HHAT: variants seen among roughly 807,000 people sequenced by gnomAD.
The protein encoded by HHAT is protein-cysteine N-palmitoyltransferase HHAT.
Under a neutral mutation model 70.8 loss-of-function variants are expected in HHAT, and 47 were observed. The ratio of observed to expected loss-of-function variants is 0.66; its 90% CI spans 0.53 to 0.85. The LOEUF (loss-of-function observed/expected upper bound fraction) is 0.85, where lower values mean the gene tolerates loss of function less well. Among genes scored for constraint, HHAT ranks in the 40% least tolerant of loss-of-function variants. The probability of loss-of-function intolerance (pLI) is 0.00; values close to 1 mark genes in which losing one functional copy is unlikely to be tolerated. For synonymous variants in HHAT, 228 were observed against 247.6 expected (o/e 0.92, Z 0.74); for missense variants, 609 against 604.8 (o/e 1.01, Z -0.07).
At chr1:210,644,602 C>CAAAAAA (rs57190952) in intron 11 of HHAT, among the ~76,000 whole-genome samples, 16 of 63,996 alleles carry the variant, frequency 2.5e-4, no homozygotes, top group African/African-American at 3.0e-4. Context: ...GACTCCATCT[C>CAAAAAA]AAAAAAAAAA....
rs145725351 is a variant in HHAT at position 210,490,027 on chromosome 1, T to A, written c.1008-23126T>A. On this transcript the variant is annotated intron_variant, in intron 8 of 11. Transcript: ENST00000261458. The stretch of plus-strand genomic sequence containing the variant: ...GAGATATAGAAGGAAGCAAAGAATT[T>A]AGTGAGCCCATTTGAGTTAAAAAAG... Among the ~76,000 whole-genome samples the A allele has an allele frequency of 3.3e-5, 5 of 152,214 alleles. No homozygotes were observed. The East Asian group carries it at 7.7e-4, about 23-fold the overall frequency.
At chr1:210,399,672 T>A (rs78154675) in intron 4 of HHAT, among the ~76,000 whole-genome samples, 13,772 of 152,282 alleles carry the variant, frequency 0.09, 826 homozygotes, top group Non-Finnish European at 0.14. Context: ...ATACCTTGCG[T>A]CTCAAAGTTA....
Position 210,386,507 on chromosome 1 carries a change from G to A in HHAT, c.160-961G>A, listed in dbSNP as rs368192535. ...CCCGCCTCGGCCTCCCAAAGTGCTG[G>A]GATTACAGGCGTGAGCCACCGCGCC... On this transcript the variant is annotated intron_variant, in intron 3 of 11. Transcript: ENST00000261458. Among the ~76,000 whole-genome samples the A allele has an allele frequency of 9.1e-4, 139 of 151,992 alleles. 1 individual carries two copies. The highest frequency in any genetic ancestry group is 4.8e-3 in the South Asian group (23 of 4,806).
At position 210,588,116 on chromosome 1, in the gene HHAT, C is replaced by T. The variant is rs1258318168; in HGVS notation, c.1245+17C>T. On this transcript the variant is annotated intron_variant, in intron 10 of 11. Coordinates refer to ENST00000261458, the MANE Select transcript of HHAT (RefSeq NM_018194.6). ...GACAGTCTGGTGAGCAGGATCCTTG[C>T]TGCTGTGTTAGGGGACAGTGGAACT... is the stretch of plus-strand genomic sequence containing the variant. 1 of 1,580,940 alleles carries T rather than the reference C, an allele frequency of 6.3e-7. No homozygotes were observed. The highest frequency in any genetic ancestry group is 8.6e-7 in the Non-Finnish European group (1 of 1,164,684).
chr1:210,501,424 A>G (rs1383765424), intron 8 of HHAT, among the ~76,000 whole-genome samples: 1 of 152,158 alleles, frequency 6.6e-6, no homozygotes, highest in African/African-American at 2.4e-5. Flanking sequence ...ACCACTCAAG[A>G]TATTTTGGGT....
At chr1:210,606,939 T>C (rs1031085784) in intron 10 of HHAT, among the ~76,000 whole-genome samples, 1 of 152,224 alleles carries the variant, frequency 6.6e-6, no homozygotes, top group African/African-American at 2.4e-5. Flanking sequence ...ACTGCGAACA[T>C]CTTCGGTATA....
intron 1 of HHAT, among the ~76,000 whole-genome samples, chr1:210,344,651 C>A (rs935411473): frequency 6.6e-6 from 1 of 152,168 alleles, no homozygotes; most frequent in Non-Finnish European, 1.5e-5. Context: ...TCCTAGAAAT[C>A]CCTGCAATTG....
chr1:210,635,372 G>GGT (rs1671680196), intron 11 of HHAT, among the ~76,000 whole-genome samples: 1 of 152,182 alleles, frequency 6.6e-6, no homozygotes, highest in South Asian at 2.1e-4. Flanking sequence ...GCCATGCTGA[G>GGT]GTGTGTGCAC....
At chr1:210,617,830 G>A (rs1280842360) in intron 10 of HHAT, among the ~76,000 whole-genome samples, 1 of 152,202 alleles carries the variant, frequency 6.6e-6, no homozygotes, top group Non-Finnish European at 1.5e-5. Context: ...TTGACCTGAT[G>A]TTGTTTGAAG....
chr1:210,676,185 T>C lies in HHAT; in HGVS notation c.*1806T>C, dbSNP rs994081313. 6.6e-6 allele frequency: 1 copy of C among 152,242 alleles called. No individual in the cohort carries two copies. Among genetic ancestry groups the C allele is most frequent in the Non-Finnish European group, 1.5e-5 (1 of 68,042 alleles). 9.4% of individuals were successfully genotyped at this position (152,242 alleles called of 1,614,324 possible). A position where few individuals can be genotyped will look rare whatever the true frequency, so the allele number is the denominator to read the frequency against. On this transcript the variant is annotated 3_prime_UTR_variant, in exon 12 of 12. Transcript: ENST00000261458. ...GGTTTATTCATTCATTAAACTACTT[T>C]GGAAGCGTCAGTGGATATATTTGAA...
chr1:210,620,105 T>A (rs1668539904), intron 10 of HHAT, among the ~76,000 whole-genome samples: 1 of 152,104 alleles, frequency 6.6e-6, no homozygotes, highest in African/African-American at 2.4e-5. Flanking sequence ...ACCACAGGGG[T>A]AATCGCTGTA....
At chr1:210,331,592 G>A (rs956190941) in intron 1 of HHAT, among the ~76,000 whole-genome samples, 3 of 152,192 alleles carry the variant, frequency 2.0e-5, no homozygotes, top group Non-Finnish European at 4.4e-5. Context: ...GGTGTCTTTT[G>A]TAGTTGGGAA....
chr1:210,488,029 C>T (rs940199116), intron 8 of HHAT, among the ~76,000 whole-genome samples: 1 of 152,148 alleles, frequency 6.6e-6, no homozygotes, highest in African/African-American at 2.4e-5. Context: ...CGTGGGATTC[C>T]CATGCATCTG....
chr1:210,365,372 A>G (rs2088837649), intron 3 of HHAT, among the ~76,000 whole-genome samples: 1 of 121,608 alleles, frequency 8.2e-6, no homozygotes. Flanking sequence ...GCTGGAGTGC[A>G]GTGGTGTGAT....
intron 10 of HHAT, among the ~76,000 whole-genome samples, chr1:210,601,985 G>GTGTGTGTA (rs1389888039): frequency 1.3e-5 from 2 of 150,198 alleles, no homozygotes; most frequent in Non-Finnish European, 3.0e-5. Flanking sequence ...GTGTGTGTGT[G>GTGTGTGTA]TATGTGTGCA....
chr1:210,595,326 TG>T (rs1271694524), intron 10 of HHAT, among the ~76,000 whole-genome samples: 4 of 152,206 alleles, frequency 2.6e-5, no homozygotes, highest in Non-Finnish European at 5.9e-5. Flanking sequence ...TAGTATTCCA[TG>T]GTGTATATGT....
intron 11 of HHAT, among the ~76,000 whole-genome samples, chr1:210,673,779 T>G (rs1680614592): frequency 2.7e-5 from 1 of 36,946 alleles, no homozygotes; most frequent in Non-Finnish European, 5.3e-5. Flanking sequence ...ATTTATTTAT[T>G]TATTTATTTA....
chr1:210,534,107 G>T (rs976196040), intron 9 of HHAT, among the ~76,000 whole-genome samples: 2 of 152,094 alleles, frequency 1.3e-5, no homozygotes, highest in Non-Finnish European at 2.9e-5. Context: ...TGGGGTAATT[G>T]TACCTTCCCG....
intron 8 of HHAT, among the ~76,000 whole-genome samples, chr1:210,482,487 C>T (rs184128429): frequency 3.1e-3 from 466 of 152,294 alleles, no homozygotes; most frequent in Middle Eastern, 0.027. Context: ...TAGAAGAATA[C>T]TCCCTTCATT....
Sources: gnomAD v4.1 joint callset for allele counts (sites outside exome capture counted in the v4.1 genomes callset) on GRCh38, gnomAD v4.1.1 for gene constraint, MANE v1.5 for transcripts, NCBI Gene and HGNC (gene_info 2026-07-23, HGNC 2026-07-21) for gene names.